The following CNGB3 variants were observed in gnomAD, a reference collection of about 807,000 sequenced individuals.
CNGB3 encodes cyclic nucleotide gated channel subunit beta 3.
CNGB3 carries 86 observed loss-of-function variants against 92.8 expected under a neutral mutation model. That is an observed-to-expected ratio of 0.93 (90% CI 0.78 to 1.11). The LOEUF (loss-of-function observed/expected upper bound fraction) is 1.11, where lower values mean the gene tolerates loss of function less well. CNGB3 is among the 50% of genes least tolerant of loss of function. CNGB3 has a pLI of 0.00. For synonymous variants in CNGB3, 333 were observed against 332.7 expected, an observed-to-expected ratio of 1.00 and a Z score of -0.01; for missense variants, 1,026 against 956.8, an observed-to-expected ratio of 1.07 and a Z score of -0.95.
At chr8:86,616,069 T>C (rs1048670425) in intron 13 of CNGB3, among the ~76,000 whole-genome samples, 1 of 152,156 alleles carries the variant, frequency 6.6e-6, no homozygotes, top group Non-Finnish European at 1.5e-5. Flanking sequence ...AGCCTGAACA[T>C]AGATAAGCAA....
chr8:86,720,499 A>C (rs1382180874), intron 3 of CNGB3, among the ~76,000 whole-genome samples: 1 of 152,068 alleles, frequency 6.6e-6, no homozygotes, highest in Non-Finnish European at 1.5e-5. Context: ...TGAAAAAATA[A>C]TAGATGTTGG....
chr8:86,717,984 C>T (rs1457718355), intron 3 of CNGB3, among the ~76,000 whole-genome samples: 2 of 151,984 alleles, frequency 1.3e-5, no homozygotes, highest in Non-Finnish European at 2.9e-5. Context: ...GTGACACAAC[C>T]TATCAAAACC....
At chr8:86,679,641 T>C (rs116934738) in intron 3 of CNGB3, among the ~76,000 whole-genome samples, 2,383 of 152,308 alleles carry the variant, frequency 0.016, 30 homozygotes, top group Non-Finnish European at 0.026. Flanking sequence ...TTCTCCTGTC[T>C]CAGCTTCCCA....
intron 2 of CNGB3, among the ~76,000 whole-genome samples, chr8:86,729,776 A>G (rs1825128313): frequency 6.6e-6 from 1 of 152,216 alleles, no homozygotes; most frequent in African/African-American, 2.4e-5. Flanking sequence ...TGAAAGAGAA[A>G]TCTAAAATAC....
chr8:86,694,274 G>C (rs1271355679), intron 3 of CNGB3, among the ~76,000 whole-genome samples: 1 of 145,794 alleles, frequency 6.9e-6, no homozygotes, highest in Non-Finnish European at 1.5e-5. Flanking sequence ...GGGCAAAGGG[G>C]CTCCTCACTT....
At chr8:86,596,785 A>G (rs1822180287) in intron 15 of CNGB3, among the ~76,000 whole-genome samples, 1 of 152,230 alleles carries the variant, frequency 6.6e-6, no homozygotes, top group African/African-American at 2.4e-5. Context: ...CCAAATGTCC[A>G]TCAATAATAG....
chr8:86,592,225 C>T (rs575703520), intron 15 of CNGB3, among the ~76,000 whole-genome samples: 6 of 152,194 alleles, frequency 3.9e-5, no homozygotes, highest in Non-Finnish European at 8.8e-5. Flanking sequence ...CACCCACTGA[C>T]CTGTGCCCAC....
intron 15 of CNGB3, among the ~76,000 whole-genome samples, chr8:86,581,023 G>C (rs4961201): frequency 0.91 from 138,250 of 152,276 alleles, 63,019 homozygotes; most frequent in African/African-American, 0.97. Context: ...GAAAAGGGAG[G>C]ATTCCAGTTG....
chr8:86,636,132 A>G (rs1326060164), intron 10 of CNGB3, among the ~76,000 whole-genome samples: 1 of 151,978 alleles, frequency 6.6e-6, no homozygotes, highest in Admixed American at 6.6e-5. Context: ...TTATTTATCA[A>G]TAAAACCTTC....
Position 86,578,734 on chromosome 8 carries a change from T to A in CNGB3, c.2058A>T (p.Ala686=), listed in dbSNP as rs751631816. The stretch of plus-strand genomic sequence containing the variant: ...TCAATTTGAGTAGTCTTGCAAGACT[T>A]GCTTTTCCTGTGCCTCCTAGGAGAG... ...FKTLLGGTGK[A]SLARLLKLKR... is the part of the protein sequence containing the mutation. The change falls in exon 17 of 18, where the codon GCA becomes GCT. Residue 686 remains alanine, a synonymous_variant. Coordinates refer to ENST00000320005, the MANE Select transcript of CNGB3 (RefSeq NM_019098.5). The A allele has an allele frequency of 6.8e-6, 11 of 1,614,166 alleles. No homozygotes were observed. In the South Asian group the frequency reaches 1.1e-4, roughly 16 times the overall value.
intron 15 of CNGB3, among the ~76,000 whole-genome samples, chr8:86,589,518 C>G (rs1003526586): frequency 6.6e-6 from 1 of 151,996 alleles, no homozygotes; most frequent in African/African-American, 2.4e-5. Flanking sequence ...GAATGAGTCC[C>G]AGAGATTCTG....
At chr8:86,619,567 C>T (rs1822686137) in intron 13 of CNGB3, among the ~76,000 whole-genome samples, 1 of 152,014 alleles carries the variant, frequency 6.6e-6, no homozygotes, top group African/African-American at 2.4e-5. Context: ...AAATCTGTGA[C>T]TCTAATTCCA....
chr8:86,621,145 T>A (rs919872510), intron 13 of CNGB3, among the ~76,000 whole-genome samples: 8 of 152,222 alleles, frequency 5.3e-5, no homozygotes, highest in Non-Finnish European at 1.2e-4. Flanking sequence ...TAGGAGATGA[T>A]CCCATAAAAG....
chr8:86,647,674 A>C, intron 8 of CNGB3, 127 bp downstream of exon 8: 1 of 638,774 alleles, frequency 1.6e-6, no homozygotes. Flanking sequence ...AAGATGGAGA[A>C]GAGTTTGGGA....
intron 6 of CNGB3, chr8:86,660,479 A>G (rs1823616647): frequency 3.8e-6 from 2 of 522,178 alleles, no homozygotes; most frequent in Admixed American, 2.0e-5. Context: ...GAAAGATGAA[A>G]GGGAAAGGAA....
At chr8:86,595,598 A>G (rs1202709388) in intron 15 of CNGB3, among the ~76,000 whole-genome samples, 1 of 151,884 alleles carries the variant, frequency 6.6e-6, no homozygotes, top group Admixed American at 6.5e-5. Context: ...ATATGAAAAA[A>G]ATGAAAATGA....
At chr8:86,729,832 A>C (rs1425964733) in intron 2 of CNGB3, among the ~76,000 whole-genome samples, 1 of 152,232 alleles carries the variant, frequency 6.6e-6, no homozygotes, top group African/African-American at 2.4e-5. Context: ...TGTCAACGGC[A>C]CATTGTGATT....
intron 13 of CNGB3, among the ~76,000 whole-genome samples, chr8:86,617,644 T>TA (rs1175460915): frequency 2.0e-5 from 3 of 152,166 alleles, no homozygotes; most frequent in African/African-American, 7.2e-5. Flanking sequence ...GACCTAAACT[T>TA]ACAGTCAATA....
Position 86,739,750 on chromosome 8 carries a change from CAT to C in CNGB3, c.130-16_130-15del, listed in dbSNP as rs758319524. The C allele has an allele frequency of 7.5e-6, 12 of 1,598,204 alleles. No individual in the cohort carries two copies. The East Asian group carries it at 1.6e-4, about 21-fold the overall frequency. On this transcript the variant is annotated splice_polypyrimidine_tract_variant and intron_variant, in intron 1 of 17. Transcript: ENST00000320005. Reference sequence around the variant, plus strand: ...TTTGTTTTCTTCCTTTGAGAAAAAACATAGAGATTGTATGTGATGAATTTACA... The same window carrying C: ...TTTGTTTTCTTCCTTTGAGAAAAAACAGAGATTGTATGTGATGAATTTACA...
Sources: allele counts gnomAD v4.1 joint callset (sites outside exome capture counted in the v4.1 genomes callset), GRCh38; gene constraint gnomAD v4.1.1; transcripts MANE v1.5; gene names NCBI Gene and HGNC (gene_info 2026-07-23, HGNC 2026-07-21).